Variants in MAN2A1 observed in about 807,000 individuals in gnomAD.
The protein encoded by MAN2A1 is mannosidase alpha class 2A member 1, also known as alpha-mannosidase 2.
Under a neutral mutation model 142.6 loss-of-function variants are expected in MAN2A1, and 76 were observed. The ratio of observed to expected loss-of-function variants is 0.53; its 90% CI spans 0.44 to 0.65. The LOEUF (loss-of-function observed/expected upper bound fraction) is 0.65, where lower values mean the gene tolerates loss of function less well. Ranked by LOEUF, MAN2A1 falls within the 30% of genes least tolerant of loss-of-function variation. The pLI is 0.00. For synonymous variants in MAN2A1, 559 were observed against 473.2 expected, an observed-to-expected ratio of 1.18 and a Z score of -2.35; for missense variants, 1,311 against 1,365.1, an observed-to-expected ratio of 0.96 and a Z score of 0.62.
intron 1 of MAN2A1, among the ~76,000 whole-genome samples, chr5:109,695,069 G>T (rs919824880): frequency 1.3e-5 from 2 of 152,172 alleles, no homozygotes; most frequent in African/African-American, 4.8e-5. Flanking sequence ...TTTGAGGATG[G>T]TGTCCTCTAA....
At chr5:109,710,720 C>G (rs563638818) in intron 1 of MAN2A1, among the ~76,000 whole-genome samples, 4 of 151,104 alleles carry the variant, frequency 2.6e-5, no homozygotes, top group African/African-American at 4.9e-5. Context: ...GACCAAGTTT[C>G]GCTCTTGTTG....
chr5:109,807,737 A>G (rs1353621808), intron 12 of MAN2A1, among the ~76,000 whole-genome samples: 1 of 152,148 alleles, frequency 6.6e-6, no homozygotes. Flanking sequence ...TTTCTGCCAT[A>G]TAAGGTAGCA....
At chr5:109,821,824 T>G (rs759223025) in intron 15 of MAN2A1, among the ~76,000 whole-genome samples, 6 of 152,094 alleles carry the variant, frequency 3.9e-5, no homozygotes, top group East Asian at 1.9e-4. Context: ...GTTGTAAAAT[T>G]TTTCTTATTG....
intron 12 of MAN2A1, among the ~76,000 whole-genome samples, chr5:109,799,973 T>A (rs1044334442): frequency 6.7e-6 from 1 of 150,142 alleles, no homozygotes; most frequent in African/African-American, 2.5e-5. Flanking sequence ...CTGTAATCCC[T>A]GCTACTTGGG....
chr5:109,731,329 G>A (rs1751901380), intron 4 of MAN2A1, among the ~76,000 whole-genome samples: 1 of 150,562 alleles, frequency 6.6e-6, no homozygotes, highest in Non-Finnish European at 1.5e-5. Flanking sequence ...GACTATCATA[G>A]GCTATTAAAA....
intron 3 of MAN2A1, among the ~76,000 whole-genome samples, chr5:109,724,573 T>C (rs1256964195): frequency 6.6e-6 from 1 of 152,220 alleles, no homozygotes; most frequent in Non-Finnish European, 1.5e-5. Context: ...AATGTATTAT[T>C]TATCTGGATA....
At position 109,690,350 on chromosome 5, in the gene MAN2A1, C is replaced by T; in HGVS notation, c.-68C>T. On this transcript the variant is annotated 5_prime_UTR_variant, in exon 1 of 22. Coordinates refer to ENST00000261483, the MANE Select transcript of MAN2A1 (RefSeq NM_002372.4). ...GAAGGGAGCCTCCGGCGGCTGCTTC[C>T]TAGAGTCCACAGTGCGCTGTCTCCT... 3.2e-6 allele frequency: 5 copies of T among 1,580,038 alleles called. No homozygotes were observed. Among genetic ancestry groups the T allele is most frequent in the South Asian group, 2.2e-5 (2 of 90,284 alleles).
At chr5:109,826,530 C>T (rs1404630173) in intron 16 of MAN2A1, among the ~76,000 whole-genome samples, 1 of 152,128 alleles carries the variant, frequency 6.6e-6, no homozygotes. Context: ...TGTATTTGAG[C>T]TCCTCTTAAC....
chr5:109,807,961 T>C (rs144778248), intron 12 of MAN2A1, among the ~76,000 whole-genome samples: 3 of 152,288 alleles, frequency 2.0e-5, no homozygotes, highest in African/African-American at 7.2e-5. Flanking sequence ...TAGAAATAGG[T>C]ATTAAAAAGG....
At chr5:109,695,832 G>A (rs1750795546) in intron 1 of MAN2A1, among the ~76,000 whole-genome samples, 1 of 152,102 alleles carries the variant, frequency 6.6e-6, no homozygotes, top group Admixed American at 6.6e-5. Flanking sequence ...AACTAAAATG[G>A]GTTTCTGTTT....
chr5:109,810,286 T>C (rs1754281439), intron 12 of MAN2A1, among the ~76,000 whole-genome samples: 1 of 152,174 alleles, frequency 6.6e-6, no homozygotes, highest in Admixed American at 6.6e-5. Flanking sequence ...CAATTGTGCA[T>C]AAAATTTAGA....
At chr5:109,707,560 C>T (rs1214708672) in intron 1 of MAN2A1, among the ~76,000 whole-genome samples, 1 of 152,096 alleles carries the variant, frequency 6.6e-6, no homozygotes, top group Admixed American at 6.6e-5. Context: ...ATTGTAATAA[C>T]ACTGTGGAGG....
In MAN2A1 at chr5:109,846,088, A is replaced by C. The variant is rs558982885; in HGVS notation, c.2842+82A>C. The C allele has an allele frequency of 4.0e-6, 5 of 1,256,334 alleles. No individual in the cohort carries two copies. In the African/African-American group the frequency reaches 7.7e-5, roughly 19 times the overall value. 77.8% of individuals were successfully genotyped at this position (1,256,334 alleles called of 1,614,324 possible). A position where few individuals can be genotyped will look rare whatever the true frequency, so the allele number is the denominator to read the frequency against. ...TTTTTCTGTTGGTCAGATGTGGTAT[A>C]ATCTCTAGTTAAAACCTCCCTGTCT... On this transcript the variant is annotated intron_variant, in intron 18 of 21. Transcript: ENST00000261483.
intron 4 of MAN2A1, among the ~76,000 whole-genome samples, chr5:109,732,352 A>C: frequency 6.6e-6 from 1 of 151,950 alleles, no homozygotes. Flanking sequence ...GCTGTGCAGA[A>C]GCTCTTTAAT....
At chr5:109,742,629 T>G (rs189100102) in intron 4 of MAN2A1, among the ~76,000 whole-genome samples, 2 of 152,306 alleles carry the variant, frequency 1.3e-5, no homozygotes, top group Admixed American at 1.3e-4. Context: ...ACAGACTAAT[T>G]CATTATACGT....
chr5:109,776,422 A>T (rs909301715), intron 8 of MAN2A1, among the ~76,000 whole-genome samples: 1 of 152,128 alleles, frequency 6.6e-6, no homozygotes, highest in Non-Finnish European at 1.5e-5. Flanking sequence ...TGATGCTCAT[A>T]CATGAATATG....
chr5:109,758,379 T>G (rs1233805759), intron 5 of MAN2A1, among the ~76,000 whole-genome samples: 1 of 151,894 alleles, frequency 6.6e-6, no homozygotes, highest in Non-Finnish European at 1.5e-5. Flanking sequence ...GTTATTTATC[T>G]TTTTATTATT....
At position 109,845,895 on chromosome 5, in the gene MAN2A1, C is replaced by G. The variant is rs746984569; in HGVS notation, c.2731C>G (p.Pro911Ala). Residue 911 changes from proline (P) to alanine (A), a missense_variant, in exon 18 of 22, where the codon CCT (proline) becomes GCT (alanine). By Grantham distance (27) the Pro-to-Ala change is conservative (BLOSUM62 -1). Around this residue, in one of 3 missense-constraint regions of MAN2A1, gnomAD observed 890 missense variants for 920.5 expected, o/e 0.97. Transcript: ENST00000261483. ...IQPRMTLSKL[P>A]LQANVYPMTT... ...ACCTAGAATGACACTGAGCAAATTG[C>G]CTCTTCAAGCAAATGTCTATCCCAT... is the stretch of plus-strand genomic sequence containing the variant. The G allele has an allele frequency of 6.2e-7, 1 of 1,613,222 alleles. No individual in the cohort carries two copies. The highest frequency in any genetic ancestry group is 8.5e-7 in the Non-Finnish European group (1 of 1,179,598).
At chr5:109,760,913 C>CT (rs1752825630) in intron 5 of MAN2A1, among the ~76,000 whole-genome samples, 1 of 151,788 alleles carries the variant, frequency 6.6e-6, no homozygotes, top group African/African-American at 2.4e-5. Context: ...GGGTTGTTGC[C>CT]TTTTTTAAAA....
Sources: allele counts gnomAD v4.1 joint callset (sites outside exome capture counted in the v4.1 genomes callset), GRCh38; gene constraint gnomAD v4.1.1; regional missense constraint gnomAD v4.1.1; transcripts MANE v1.5; gene names NCBI Gene and HGNC (gene_info 2026-07-23, HGNC 2026-07-21).